SLC13A3: variants seen among roughly 807,000 people sequenced by gnomAD.
SLC13A3 encodes solute carrier family 13 member 3.
Under a neutral mutation model 59.0 loss-of-function variants are expected in SLC13A3, and 40 were observed. The observed-to-expected ratio is 0.68, with a 90% CI of 0.53 to 0.88. SLC13A3 has a LOEUF of 0.88. Ranked by LOEUF, SLC13A3 falls within the 40% of genes least tolerant of loss-of-function variation. SLC13A3 has a pLI of 0.00. For missense variants in SLC13A3, 699 were observed against 783.2 expected, an observed-to-expected ratio of 0.89 and a Z score of 1.28; for synonymous variants, 317 against 330.3, an observed-to-expected ratio of 0.96 and a Z score of 0.44.
At chr20:46,648,591 T>C (rs1189863508) in intron 1 of SLC13A3, among the ~76,000 whole-genome samples, 1 of 152,144 alleles carries the variant, frequency 6.6e-6, no homozygotes, top group South Asian at 2.1e-4. Flanking sequence ...TATTGAATTA[T>C]AACTAAGAAG....
intron 12 of SLC13A3, among the ~76,000 whole-genome samples, chr20:46,560,421 C>T (rs2061921180): frequency 6.6e-6 from 1 of 152,168 alleles, no homozygotes; most frequent in South Asian, 2.1e-4. Flanking sequence ...TCATTGATGG[C>T]CTCTAGGTTC....
At chr20:46,566,430 C>A (rs1266436651) in intron 10 of SLC13A3, 40 bp from the exon 11 acceptor site, 1 of 1,586,350 alleles carries the variant, frequency 6.3e-7, no homozygotes, top group East Asian at 2.3e-5. Flanking sequence ...CCAGCCCATC[C>A]CCAGCTGCCG....
chr20:46,608,935 A>C, intron 3 of SLC13A3: 2 of 1,551,020 alleles, frequency 1.3e-6, no homozygotes, highest in Non-Finnish European at 1.7e-6. Context: ...AGAACCCGGA[A>C]GTTGCACACA....
chr20:46,626,473 G>A (rs573843669), intron 1 of SLC13A3, among the ~76,000 whole-genome samples: 20 of 152,236 alleles, frequency 1.3e-4, no homozygotes, highest in South Asian at 6.2e-4. Flanking sequence ...GCAGGAGTTG[G>A]GAAGTCAATC....
chr20:46,679,910 A>T (rs565479476), intron 1 of SLC13A3, among the ~76,000 whole-genome samples: 53 of 151,100 alleles, frequency 3.5e-4, no homozygotes, highest in Non-Finnish European at 7.2e-4. Context: ...TCTGTCTCAA[A>T]AAAAAAAAAA....
At chr20:46,576,963 C>T (rs1209084749) in intron 9 of SLC13A3, among the ~76,000 whole-genome samples, 2 of 152,122 alleles carry the variant, frequency 1.3e-5, no homozygotes, top group Non-Finnish European at 2.9e-5. Context: ...ATGCAATCCA[C>T]AGGTGTATGC....
At chr20:46,646,496 C>T (rs1190309613) in intron 1 of SLC13A3, among the ~76,000 whole-genome samples, 2 of 152,290 alleles carry the variant, frequency 1.3e-5, no homozygotes, top group South Asian at 4.1e-4. Context: ...CTGGACACCT[C>T]CTGTATCTTC....
intron 9 of SLC13A3, among the ~76,000 whole-genome samples, chr20:46,578,587 A>C (rs1380239544): frequency 6.6e-6 from 1 of 152,014 alleles, no homozygotes; most frequent in Non-Finnish European, 1.5e-5. Context: ...GAGGCATGAG[A>C]ATCGCTTGAA....
At chr20:46,639,426 T>A (rs2062825518) in intron 1 of SLC13A3, among the ~76,000 whole-genome samples, 1 of 152,040 alleles carries the variant, frequency 6.6e-6, no homozygotes, top group African/African-American at 2.4e-5. Flanking sequence ...GCCACTGCAC[T>A]CCAGCCTGGG....
upstream of SLC13A3, among the ~76,000 whole-genome samples, chr20:46,652,337 G>A (rs1430239046): frequency 6.6e-6 from 1 of 152,170 alleles, no homozygotes; most frequent in East Asian, 1.9e-4. Context: ...GTCTGGCAGA[G>A]CAGGTGCTCA....
At chr20:46,600,568 T>A in intron 3 of SLC13A3, 1 of 451,568 alleles carries the variant, frequency 2.2e-6, no homozygotes, top group South Asian at 1.6e-5. Context: ...TGACAACCCA[T>A]AACTCAAGCT....
chr20:46,671,963 G>T (rs1461311031), upstream of SLC13A3, among the ~76,000 whole-genome samples: 1 of 152,192 alleles, frequency 6.6e-6, no homozygotes, highest in African/African-American at 2.4e-5. Context: ...CTTTTTCATA[G>T]TCATCCAATC....
upstream of SLC13A3, chr20:46,651,542 C>G: frequency 7.6e-7 from 1 of 1,317,392 alleles, no homozygotes; most frequent in Non-Finnish European, 9.6e-7. Flanking sequence ...CCTCTCCCTG[C>G]TCCTCCTGGA....
upstream of SLC13A3, among the ~76,000 whole-genome samples, chr20:46,652,151 C>T (rs1225919120): frequency 6.6e-6 from 1 of 152,134 alleles, no homozygotes. Flanking sequence ...AGGCTTAATA[C>T]CTGGATGACG....
rs191017152 is a variant in SLC13A3 at position 46,585,560 on chromosome 20, G to C, written c.1122-1891C>G. 5.6e-4 allele frequency: 599 copies of C among 1,075,798 alleles called. 2 individuals are homozygous for C. The African/African-American group carries it at 8.7e-3, about 16-fold the overall frequency. 66.6% of individuals were successfully genotyped at this position (1,075,798 alleles called of 1,614,324 possible). ...GCAATAAAATGCACCCATTTTAAGG[G>C]TATAGTTTAACAAGTCTTGACAAAT... is the stretch of plus-strand genomic sequence containing the variant. On this transcript the variant is annotated intron_variant, in intron 8 of 12. Coordinates refer to ENST00000279027, the MANE Select transcript of SLC13A3 (RefSeq NM_022829.6).
At chr20:46,651,775 C>T (rs2062954093), upstream of SLC13A3, among the ~76,000 whole-genome samples, 1 of 152,202 alleles carries the variant, frequency 6.6e-6, no homozygotes, top group Non-Finnish European at 1.5e-5. Context: ...AGGATTAAGG[C>T]GCGTACTCCT....
intron 3 of SLC13A3, among the ~76,000 whole-genome samples, chr20:46,608,306 A>G (rs2062456037): frequency 6.6e-6 from 1 of 151,990 alleles, no homozygotes; most frequent in African/African-American, 2.4e-5. Flanking sequence ...CATAAATACA[A>G]TTTTTTTGTC....
chr20:46,566,394 C>A lies in SLC13A3; in HGVS notation c.1333-4G>T, dbSNP rs8116973. On this transcript the variant is annotated splice_region_variant and splice_polypyrimidine_tract_variant and intron_variant, in intron 10 of 12. Transcript: ENST00000279027. ...TCCATACAGACAGCCCCGATTCCTG[C>A]GGAGGGAAAGGCATTCCTTCATACC... 10,952 of 1,610,994 alleles carry A rather than the reference C, an allele frequency of 6.8e-3. 648 individuals are homozygous for A. The African/African-American group carries it at 0.13, about 19-fold the overall frequency.
rs779854947 is a variant in SLC13A3 at position 46,589,205 on chromosome 20, G to A, written c.971C>T (p.Ala324Val). The A allele has an allele frequency of 3.8e-5, 61 of 1,614,204 alleles. No individual in the cohort carries two copies. The highest frequency in any genetic ancestry group is 5.0e-5 in the Non-Finnish European group (59 of 1,180,044). The change falls in exon 7 of 13, where the codon GCT becomes GTT. Residue 324 changes from alanine (A) to valine (V), a missense_variant. By Grantham distance (64) the Ala-to-Val change is moderately conservative. Transcript: ENST00000279027. The stretch of plus-strand genomic sequence containing the variant: ...GTATTCTTCCCGAATTACAGCTCGA[G>A]CCCTATCTTCTGCATTGGTTCTTAT... ...SEIRTNAEDRARAVIREEYQN... is the reference protein window; with the variant it reads ...SEIRTNAEDRVRAVIREEYQN...
Sources: gnomAD v4.1 joint callset for allele counts (sites outside exome capture counted in the v4.1 genomes callset) on GRCh38, gnomAD v4.1.1 for gene constraint, MANE v1.5 for transcripts, NCBI Gene and HGNC (gene_info 2026-07-23, HGNC 2026-07-21) for gene names.